Variants in ITGAM observed in about 807,000 individuals in gnomAD.
The protein encoded by ITGAM is integrin subunit alpha M.
Under a neutral mutation model 137.5 loss-of-function variants are expected in ITGAM, and 79 were observed. The observed-to-expected ratio is 0.57, with a 90% CI of 0.48 to 0.69. The LOEUF is 0.69. ITGAM is among the 30% of genes least tolerant of loss of function. The probability of loss-of-function intolerance (pLI) is 0.00; values close to 1 mark genes in which losing one functional copy is unlikely to be tolerated. For synonymous variants in ITGAM, 583 were observed against 592.3 expected, an observed-to-expected ratio of 0.98 and a Z score of 0.23; for missense variants, 1,343 against 1,483.5, an observed-to-expected ratio of 0.91 and a Z score of 1.56.
intron 12 of ITGAM, among the ~76,000 whole-genome samples, chr16:31,291,396 T>A (rs2080085509): frequency 6.6e-6 from 1 of 152,142 alleles, no homozygotes; most frequent in Admixed American, 6.6e-5. Flanking sequence ...CATTTTTAGT[T>A]TTCTTGAGGA....
intron 14 of ITGAM, among the ~76,000 whole-genome samples, 182 bp downstream of exon 14, chr16:31,298,136 G>A (rs141254552): frequency 2.7e-5 from 4 of 147,112 alleles, no homozygotes; most frequent in African/African-American, 7.7e-5. Context: ...GGAAGGCTGA[G>A]TTGGGAGGAT....
intron 12 of ITGAM, among the ~76,000 whole-genome samples, chr16:31,289,448 T>C (rs9746394): frequency 0.39 from 58,671 of 151,910 alleles, 14,908 homozygotes; most frequent in African/African-American, 0.73. Context: ...AGTTCATGTC[T>C]TTTGTAGGGA....
intron 5 of ITGAM, among the ~76,000 whole-genome samples, chr16:31,269,891 C>G (rs1225943226): frequency 9.9e-5 from 15 of 152,192 alleles, no homozygotes; most frequent in Admixed American, 9.8e-4. Flanking sequence ...GTTGAGCCCC[C>G]TCATCTGCCA....
intron 2 of ITGAM, among the ~76,000 whole-genome samples, chr16:31,262,872 C>G (rs1002591846): frequency 6.6e-6 from 1 of 152,226 alleles, no homozygotes; most frequent in African/African-American, 2.4e-5. Flanking sequence ...TCCCATAATA[C>G]AGCCCAGTGA....
At chr16:31,313,234 G>A (rs1040526026) in intron 14 of ITGAM, among the ~76,000 whole-genome samples, 4 of 152,126 alleles carry the variant, frequency 2.6e-5, no homozygotes, top group Admixed American at 1.3e-4. Context: ...AAAATTATAC[G>A]TTAAGTTCTG....
At chr16:31,315,541 T>C (rs546905229) in intron 14 of ITGAM, among the ~76,000 whole-genome samples, 87 of 152,190 alleles carry the variant, frequency 5.7e-4, no homozygotes, top group African/African-American at 2.0e-3. Flanking sequence ...CACTGCAACC[T>C]CCACCTCCCG....
chr16:31,324,906 A>C lies in ITGAM; in HGVS notation c.2290-52A>C, dbSNP rs772323676. On this transcript the variant is annotated intron_variant, in intron 18 of 29. Transcript: ENST00000544665. The surrounding 1 kb of genome is among the most constrained non-coding windows in gnomAD (Gnocchi z 4.5). Reference sequence around the variant, plus strand: ...ATTTGATTTTATTGTTTAATTTCACAATACTTGGTTATTTTCTTTCCTTTC... The same window carrying C: ...ATTTGATTTTATTGTTTAATTTCACCATACTTGGTTATTTTCTTTCCTTTC... 14 of 1,554,586 alleles carry C rather than the reference A, an allele frequency of 9.0e-6. No homozygotes were observed. The highest frequency in any genetic ancestry group is 1.2e-5 in the Non-Finnish European group (14 of 1,145,818).
intron 29 of ITGAM, 25 bp from the exon 30 acceptor site, chr16:31,331,611 C>A: frequency 6.3e-7 from 1 of 1,584,276 alleles, no homozygotes; most frequent in South Asian, 1.1e-5. Context: ...TGCTGTCGCT[C>A]TCACTGCCCT....
chr16:31,318,613 G>A (rs1191366829), intron 14 of ITGAM, among the ~76,000 whole-genome samples: 1 of 152,038 alleles, frequency 6.6e-6, no homozygotes, highest in African/African-American at 2.4e-5. Flanking sequence ...CAAAGTGCTG[G>A]GATTGCAGGC....
intron 12 of ITGAM, among the ~76,000 whole-genome samples, chr16:31,295,642 A>C (rs2080125574): frequency 2.0e-5 from 3 of 150,282 alleles, no homozygotes; most frequent in African/African-American, 7.3e-5. Context: ...ATGTTTTTAT[A>C]TATATATCAT....
chr16:31,327,619 T>TAAAAAA (rs921740818), intron 22 of ITGAM, among the ~76,000 whole-genome samples: 12 of 149,520 alleles, frequency 8.0e-5, no homozygotes, highest in Admixed American at 3.3e-4. Context: ...ATAATAATAA[T>TAAAAAA]AAAAAATAAA....
Position 31,276,692 on chromosome 16 carries a change from G to T in ITGAM, c.1031G>T (p.Ser344Ile), listed in dbSNP as rs995301109. The change falls in exon 10 of 30, where the codon AGC (serine) becomes ATC (isoleucine). Residue 344 changes from serine (S) to isoleucine (I), a missense_variant. By Grantham distance (142) the Ser-to-Ile change is moderately radical. Transcript: ENST00000544665. ...AIEGTQTGSS[S>I]SFEHEMSQEG... ...ACAGGTACTCAGACAGGAAGTAGCAGCTCCTTTGAGCATGAGATGTCTCAG... is the reference window on the plus strand; with the variant it reads ...ACAGGTACTCAGACAGGAAGTAGCATCTCCTTTGAGCATGAGATGTCTCAG... The T allele has an allele frequency of 1.2e-6, 2 of 1,611,872 alleles. No homozygotes were observed. Among genetic ancestry groups the T allele is most frequent in the Non-Finnish European group, 1.7e-6 (2 of 1,178,948 alleles).
At chr16:31,262,560 ACCTGGCTAATTT>A (rs146018297) in intron 2 of ITGAM, among the ~76,000 whole-genome samples, 4,253 of 151,790 alleles carry the variant, frequency 0.028, 84 homozygotes, top group Non-Finnish European at 0.044. Context: ...GTGCCACCAC[ACCTGGCTAATTT>A]TTTGATTTTT....
Position 31,273,494 on chromosome 16 carries a change from G to A in ITGAM, c.834G>A (p.Glu278=), listed in dbSNP as rs558241802. ...ATGTCATCCCTGAGGCAGACAGAGA[G>A]GGAGTCATTCGCTACGTCATTGGGG... ...YEDVIPEADR[E]GVIRYVIGVG... The change falls in exon 8 of 30, where the codon GAG becomes GAA. Residue 278 remains glutamate, a synonymous_variant. Coordinates refer to ENST00000544665, the MANE Select transcript of ITGAM (RefSeq NM_000632.4). 16 of 1,613,758 alleles carry A rather than the reference G, an allele frequency of 9.9e-6. No homozygotes were observed. In the African/African-American group the frequency reaches 2.1e-4, roughly 22 times the overall value.
At chr16:31,275,803 C>G in intron 9 of ITGAM, 104 bp downstream of exon 9, 1 of 1,107,908 alleles carries the variant, frequency 9.0e-7, no homozygotes, top group Middle Eastern at 3.0e-4. Flanking sequence ...TGGTATCCCC[C>G]AGCATCAACT....
chr16:31,304,327 G>C (rs1034657874), intron 14 of ITGAM, among the ~76,000 whole-genome samples: 2 of 151,928 alleles, frequency 1.3e-5, no homozygotes, highest in African/African-American at 4.8e-5. Flanking sequence ...TTTTTTCCTT[G>C]CTGATTTGTT....
At chr16:31,300,898 G>T (rs995702615) in intron 14 of ITGAM, among the ~76,000 whole-genome samples, 2 of 151,988 alleles carry the variant, frequency 1.3e-5, no homozygotes, top group Non-Finnish European at 2.9e-5. Flanking sequence ...GGAGACAGAG[G>T]GAGACCTTGT....
rs779454170 is a variant in ITGAM, at chr16:31,325,458, C to G, written c.2506-42C>G. The G allele has an allele frequency of 4.3e-6, 7 of 1,613,148 alleles. 1 individual carries two copies. The South Asian group carries it at 6.6e-5, about 15-fold the overall frequency. On this transcript the variant is annotated intron_variant, in intron 20 of 29. Transcript: ENST00000544665. ...GACCTTTGCTTCCCCATCCTCACGGCCGGAGGTGGATATCACCGCCTTTGC... is the reference window on the plus strand; with the variant it reads ...GACCTTTGCTTCCCCATCCTCACGGGCGGAGGTGGATATCACCGCCTTTGC...
At chr16:31,280,234 C>T (rs1037219762) in intron 12 of ITGAM, among the ~76,000 whole-genome samples, 1 of 152,110 alleles carries the variant, frequency 6.6e-6, no homozygotes, top group African/African-American at 2.4e-5. Context: ...TTTTTTGGTT[C>T]CACATGAACT....
Sources: gnomAD v4.1 joint callset for allele counts (sites outside exome capture counted in the v4.1 genomes callset) on GRCh38, gnomAD v4.1.1 for gene constraint, Gnocchi (gnomAD v3.1) non-coding constraint, MANE v1.5 for transcripts, NCBI Gene and HGNC (gene_info 2026-07-23, HGNC 2026-07-21) for gene names.